PALM2AKAP2: variants seen among roughly 807,000 people sequenced by gnomAD.
PALM2AKAP2 encodes the protein PALM2-AKAP2 fusion protein.
Under a neutral mutation model 71.5 loss-of-function variants are expected in PALM2AKAP2, and 37 were observed. That is an observed-to-expected ratio of 0.52 (90% CI 0.40 to 0.68). PALM2AKAP2 has a LOEUF of 0.68. PALM2AKAP2 is among the 30% of genes least tolerant of loss of function. The probability of loss-of-function intolerance (pLI) is 0.00; values close to 1 mark genes in which losing one functional copy is unlikely to be tolerated. For missense variants in PALM2AKAP2, 1,224 were observed against 1,191.8 expected (o/e 1.03, Z -0.40); for synonymous variants, 468 against 478.8 (o/e 0.98, Z 0.29).
chr9:109,933,099 T>C (rs1004433037), intron 6 of PALM2AKAP2, among the ~76,000 whole-genome samples: 1 of 152,266 alleles, frequency 6.6e-6, no homozygotes, highest in Admixed American at 6.5e-5. Context: ...ATTACTTTTA[T>C]GTACAGACTC....
chr9:109,643,214 C>T (rs1017575907), intron 1 of PALM2AKAP2, among the ~76,000 whole-genome samples: 1 of 152,204 alleles, frequency 6.6e-6, no homozygotes, highest in Non-Finnish European at 1.5e-5. Flanking sequence ...CAAGAAGCCA[C>T]AGCAGGCTTG....
intron 1 of PALM2AKAP2, among the ~76,000 whole-genome samples, chr9:109,792,323 C>T (rs970972739): frequency 3.3e-5 from 5 of 152,188 alleles, no homozygotes; most frequent in South Asian, 4.1e-4. Flanking sequence ...GACTGGGTCT[C>T]GCTATGTTGC....
chr9:110,058,544 G>A (rs1306047189), intron 1 of PALM2AKAP2, among the ~76,000 whole-genome samples: 1 of 152,116 alleles, frequency 6.6e-6, no homozygotes, highest in Admixed American at 6.6e-5. Flanking sequence ...GTGCCACCTG[G>A]AGGCTGGGGG....
chr9:110,014,454 G>C (rs1832933342), intron 6 of PALM2AKAP2, among the ~76,000 whole-genome samples: 1 of 151,866 alleles, frequency 6.6e-6, no homozygotes, highest in Admixed American at 6.6e-5. Flanking sequence ...GATTATTCTT[G>C]CAATAAACCT....
chr9:109,967,178 G>T (rs956338037), intron 6 of PALM2AKAP2, among the ~76,000 whole-genome samples: 2 of 152,082 alleles, frequency 1.3e-5, no homozygotes, highest in African/African-American at 4.8e-5. Flanking sequence ...CTGGCTGTTG[G>T]GACCTCAGCT....
At chr9:110,161,530 A>G (rs1020555176) in intron 3 of PALM2AKAP2, among the ~76,000 whole-genome samples, 5 of 152,230 alleles carry the variant, frequency 3.3e-5, no homozygotes, top group Admixed American at 1.3e-4. Context: ...TCCCACTCTC[A>G]GGAACTTACC....
In PALM2AKAP2 at chr9:109,665,356, A is replaced by G. The variant is rs149301835; in HGVS notation, c.5+24490A>G. On this transcript the variant is annotated intron_variant, in intron 1 of 6. Coordinates refer to the PALM2AKAP2 transcript ENST00000374531. ...CTTTGGTCTTTGATATTGGTGACCTACAGATGGGGTTTTGGTGTAGATGAC... is the reference window on the plus strand; with the variant it reads ...CTTTGGTCTTTGATATTGGTGACCTGCAGATGGGGTTTTGGTGTAGATGAC... 3.0e-3 allele frequency among the ~76,000 whole-genome samples: 457 copies of G among 152,282 alleles called. 2 individuals are homozygous for G. The highest frequency in any genetic ancestry group is 0.01 in the African/African-American group (429 of 41,560).
At chr9:109,679,244 G>A (rs928585957) in intron 1 of PALM2AKAP2, among the ~76,000 whole-genome samples, 1 of 152,332 alleles carries the variant, frequency 6.6e-6, no homozygotes, top group African/African-American at 2.4e-5. Context: ...GGTATTCTCA[G>A]AAATAGCTGT....
rs370259212 is a variant in PALM2AKAP2 at position 110,069,470 on chromosome 9, A to C, written c.156+20615A>C. Among the ~76,000 whole-genome samples the C allele has an allele frequency of 5.5e-4, 83 of 152,158 alleles. 1 individual carries two copies. The South Asian group carries it at 0.013, about 23-fold the overall frequency. On this transcript the variant is annotated intron_variant, in intron 1 of 3. Coordinates refer to ENST00000374525, the Ensembl canonical transcript of PALM2AKAP2. Reference sequence around the variant, plus strand: ...GGTTCATTTTTAGTATGTTAAGGCCACTCCATGTCATTCTTGTGGCTTGTT... The same window carrying C: ...GGTTCATTTTTAGTATGTTAAGGCCCCTCCATGTCATTCTTGTGGCTTGTT...
intron 1 of PALM2AKAP2, among the ~76,000 whole-genome samples, chr9:109,794,884 C>T (rs1394355927): frequency 3.3e-5 from 5 of 152,196 alleles, no homozygotes; most frequent in African/African-American, 9.7e-5. Flanking sequence ...GTACTTGCGT[C>T]GGCCCTGTGG....
intron 3 of PALM2AKAP2, among the ~76,000 whole-genome samples, chr9:109,891,579 C>T (rs1830091219): frequency 6.6e-6 from 1 of 152,152 alleles, no homozygotes; most frequent in Non-Finnish European, 1.5e-5. Context: ...CCTCCCATCT[C>T]CTGGATTCAA....
intron 1 of PALM2AKAP2, among the ~76,000 whole-genome samples, chr9:109,677,534 G>T (rs1206101505): frequency 6.6e-6 from 1 of 152,102 alleles, no homozygotes; most frequent in Non-Finnish European, 1.5e-5. Flanking sequence ...TAGGCGCAGT[G>T]GCGGGCACCT....
chr9:109,675,403 A>G (rs1286293790), intron 1 of PALM2AKAP2, among the ~76,000 whole-genome samples: 1 of 152,176 alleles, frequency 6.6e-6, no homozygotes, highest in Non-Finnish European at 1.5e-5. Context: ...GTTAATTACC[A>G]ATTTTGGTGA....
chr9:109,717,602 GTCT>G (rs1488068985), intron 1 of PALM2AKAP2, among the ~76,000 whole-genome samples: 4 of 152,336 alleles, frequency 2.6e-5, no homozygotes, highest in African/African-American at 7.2e-5. Context: ...GCCATAGAAG[GTCT>G]TCTTCTTTTG....
chr9:109,817,761 A>G (rs924087799), intron 1 of PALM2AKAP2, among the ~76,000 whole-genome samples: 3 of 152,136 alleles, frequency 2.0e-5, no homozygotes, highest in African/African-American at 7.2e-5. Flanking sequence ...GCTGTATTTT[A>G]TTTACGCTTG....
chr9:109,903,777 C>T (rs1241754121), intron 3 of PALM2AKAP2, among the ~76,000 whole-genome samples: 1 of 151,898 alleles, frequency 6.6e-6, no homozygotes, highest in South Asian at 2.1e-4. Context: ...AGCGAACTTG[C>T]ATCAGATTTT....
intron 1 of PALM2AKAP2, among the ~76,000 whole-genome samples, chr9:109,674,182 T>C (rs113050964): frequency 1.1e-4 from 17 of 152,024 alleles, no homozygotes; most frequent in African/African-American, 4.1e-4. Flanking sequence ...TTTTGTTTTT[T>C]TGTTAGATTT....
intron 6 of PALM2AKAP2, among the ~76,000 whole-genome samples, chr9:110,004,599 CT>C (rs1832744019): frequency 6.6e-6 from 1 of 152,172 alleles, no homozygotes; most frequent in African/African-American, 2.4e-5. Flanking sequence ...TGGGGAAGTT[CT>C]CCAGGATAAT....
chr9:110,030,209 G>A (rs902011191), intron 7 of PALM2AKAP2, among the ~76,000 whole-genome samples: 3 of 152,184 alleles, frequency 2.0e-5, no homozygotes, highest in Non-Finnish European at 4.4e-5. Context: ...AGGAAGTGGG[G>A]GGAAGGGCAG....
Sources: gnomAD v4.1 joint callset for allele counts (sites outside exome capture counted in the v4.1 genomes callset) on GRCh38, gnomAD v4.1.1 for gene constraint, MANE v1.5 for transcripts, NCBI Gene and HGNC (gene_info 2026-07-23, HGNC 2026-07-21) for gene names.